The following DYNLT1 variants were observed in gnomAD, a reference collection of about 807,000 sequenced individuals.
DYNLT1 encodes the protein T-complex testis-specific protein 1 homolog.
Under a neutral mutation model 19.6 loss-of-function variants are expected in DYNLT1, and 18 were observed. The observed-to-expected ratio is 0.92, with a 90% confidence interval of 0.64 to 1.36. The LOEUF (loss-of-function observed/expected upper bound fraction) is 1.36. Among genes scored for constraint, DYNLT1 ranks in the 40% most tolerant of loss-of-function variants. The probability of loss-of-function intolerance (pLI) is 0.00; values close to 1 mark genes in which losing one functional copy is unlikely to be tolerated. For missense variants in DYNLT1, 137 were observed against 139.3 expected (o/e 0.98, Z 0.08); for synonymous variants, 56 against 44.0 (o/e 1.27, Z -1.07).
rs556921753 is a variant in DYNLT1, at chr6:158,640,656, C to A, written c.69+663G>T. Among the ~76,000 whole-genome samples the A allele has an allele frequency of 2.6e-3, 392 of 152,294 alleles. 2 individuals are homozygous for A. The highest frequency in any genetic ancestry group is 4.4e-3 in the Non-Finnish European group (299 of 68,020). ...ATTTCAGCTCGAAATGGTCCCTGAA[C>A]TCCCTGGGTGGGTCACATTCCCAGT... On this transcript the variant is annotated intron_variant, in intron 2 of 4. Transcript: ENST00000367089.
At chr6:158,637,970 A>C in intron 2 of DYNLT1, 76 bp from the exon 3 acceptor site, 1 of 1,574,286 alleles carries the variant, frequency 6.4e-7, no homozygotes, top group Non-Finnish European at 8.6e-7. Context: ...AACTGACGGC[A>C]CCCCAAGAAG....
At chr6:158,637,085 A>G (rs776506875) in intron 4 of DYNLT1, 43 bp downstream of exon 4, 5 of 1,611,910 alleles carry the variant, frequency 3.1e-6, no homozygotes, top group Middle Eastern at 1.7e-4. Flanking sequence ...CCAGTCATAT[A>G]TTTCACACAA....
At chr6:158,644,586 G>A in intron 1 of DYNLT1, 96 bp downstream of exon 1, 1 of 1,459,330 alleles carries the variant, frequency 6.9e-7, no homozygotes. Flanking sequence ...CCTAGCTGAA[G>A]GAGGTGGGCA....
chr6:158,644,365 CG>C (rs1380006469), intron 1 of DYNLT1, among the ~76,000 whole-genome samples: 1 of 152,136 alleles, frequency 6.6e-6, no homozygotes, highest in Admixed American at 6.5e-5. Context: ...AGCTTGGCTG[CG>C]GGCCGGAGGC....
chr6:158,643,230 A>G (rs1787188598), intron 1 of DYNLT1, among the ~76,000 whole-genome samples: 2 of 152,232 alleles, frequency 1.3e-5, no homozygotes, highest in Non-Finnish European at 2.9e-5. Context: ...TTACTGTAAT[A>G]CAAGACATTT....
chr6:158,640,011 T>C (rs909205968), intron 2 of DYNLT1, among the ~76,000 whole-genome samples: 40 of 152,168 alleles, frequency 2.6e-4, no homozygotes, highest in Admixed American at 2.6e-3. Flanking sequence ...CACTTGCTAA[T>C]TGAAAGCTGG....
At chr6:158,641,910 T>C (rs1346064427) in intron 1 of DYNLT1, 2 of 152,246 alleles carry the variant, frequency 1.3e-5, no homozygotes, top group Non-Finnish European at 2.9e-5. Context: ...AAGACTTCAC[T>C]TTAAACTAGA....
intron 1 of DYNLT1, chr6:158,642,816 T>C (rs1787165576): frequency 6.6e-6 from 1 of 152,212 alleles, no homozygotes; most frequent in Non-Finnish European, 1.5e-5. Flanking sequence ...AAAGAATTTT[T>C]AGTGGAAAGC....
chr6:158,643,168 T>C (rs1366265502), intron 1 of DYNLT1, among the ~76,000 whole-genome samples: 1 of 152,234 alleles, frequency 6.6e-6, no homozygotes, highest in Non-Finnish European at 1.5e-5. Flanking sequence ...GACTGCAGTA[T>C]TAAGCGCTTT....
intron 1 of DYNLT1, among the ~76,000 whole-genome samples, chr6:158,643,951 C>T (rs1787243373): frequency 6.6e-6 from 1 of 151,874 alleles, no homozygotes; most frequent in South Asian, 2.1e-4. Context: ...GCTCTATTCC[C>T]CGAATGACCG....
At chr6:158,644,349 T>C (rs2128338347) in intron 1 of DYNLT1, among the ~76,000 whole-genome samples, 1 of 152,014 alleles carries the variant, frequency 6.6e-6, no homozygotes, top group African/African-American at 2.4e-5. Context: ...TGTCATCCTC[T>C]CGGCGAGCTT....
At chr6:158,644,550 C>G (rs1273824656) in intron 1 of DYNLT1, 132 bp downstream of exon 1, 2 of 1,089,152 alleles carry the variant, frequency 1.8e-6, no homozygotes, top group Non-Finnish European at 2.6e-6. Context: ...GACCGGGAAG[C>G]TCAGGCCGTG....
rs756804471 is a variant in DYNLT1 at position 158,636,734 on chromosome 6, A to C, written c.*93T>G. Reference sequence around the variant, plus strand: ...TACATTGTGAAAGTGCCACAAAACAAAGAGAATGAGAAAAGAGTTCACTGA... The same window carrying C: ...TACATTGTGAAAGTGCCACAAAACACAGAGAATGAGAAAAGAGTTCACTGA... On this transcript the variant is annotated 3_prime_UTR_variant, in exon 5 of 5. Coordinates refer to ENST00000367089, the MANE Select transcript of DYNLT1 (RefSeq NM_006519.4). 2.4e-5 allele frequency: 34 copies of C among 1,407,558 alleles called. No homozygotes were observed. Among genetic ancestry groups the C allele is most frequent in the South Asian group, 1.3e-5 (1 of 78,576 alleles). 87.2% of individuals were successfully genotyped at this position (1,407,558 alleles called of 1,614,324 possible). A position where few individuals can be genotyped will look rare whatever the true frequency, so the allele number is the denominator to read the frequency against.
At chr6:158,643,366 G>A (rs1160255013) in intron 1 of DYNLT1, among the ~76,000 whole-genome samples, 1 of 152,196 alleles carries the variant, frequency 6.6e-6, no homozygotes, top group East Asian at 1.9e-4. Context: ...TTATGCCACT[G>A]TCACAGGAAG....
Position 158,637,221 on chromosome 6 carries a change from A to G in DYNLT1, c.194-16T>C. ...ACACAGGTCACTTAAGTTAAAACAA[A>G]TTTTTGTTAGAGAAGTCTACTGGGT... On this transcript the variant is annotated splice_polypyrimidine_tract_variant and intron_variant, in intron 3 of 4. Coordinates refer to ENST00000367089, the MANE Select transcript of DYNLT1 (RefSeq NM_006519.4). The G allele has an allele frequency of 1.2e-6, 2 of 1,612,482 alleles. No individual in the cohort carries two copies. Among genetic ancestry groups the G allele is most frequent in the Non-Finnish European group, 1.7e-6 (2 of 1,179,126 alleles).
chr6:158,636,727 C>T lies in DYNLT1; in HGVS notation c.*100G>A. ...TTTCCTCTACATTGTGAAAGTGCCA[C>T]AAAACAAAGAGAATGAGAAAAGAGT... On this transcript the variant is annotated 3_prime_UTR_variant, in exon 5 of 5. Transcript: ENST00000367089. The T allele has an allele frequency of 7.2e-7, 1 of 1,384,488 alleles. No homozygotes were observed. The highest frequency in any genetic ancestry group is 2.5e-5 in the East Asian group (1 of 39,610). 85.8% of individuals were successfully genotyped at this position (1,384,488 alleles called of 1,614,324 possible).
intron 3 of DYNLT1, 81 bp from the exon 4 acceptor site, chr6:158,637,286 ATG>A (rs1583072388): frequency 7.8e-7 from 1 of 1,278,490 alleles, no homozygotes; most frequent in East Asian, 2.3e-5. Flanking sequence ...CAAACGTACA[ATG>A]TATGTAGCTC....
At chr6:158,644,628 T>C in intron 1 of DYNLT1, 54 bp downstream of exon 1, 2 of 1,606,962 alleles carry the variant, frequency 1.2e-6, no homozygotes, top group Non-Finnish European at 1.7e-6. Context: ...CCGCGTGTCC[T>C]TCCGCGGCCA....
At chr6:158,637,231 G>C in intron 3 of DYNLT1, 26 bp from the exon 4 acceptor site, 1 of 1,608,172 alleles carries the variant, frequency 6.2e-7, no homozygotes, top group Non-Finnish European at 8.5e-7. Context: ...ATTTTTGTTA[G>C]AGAAGTCTAC....
Sources: allele counts gnomAD v4.1 joint callset (sites outside exome capture counted in the v4.1 genomes callset), GRCh38; gene constraint gnomAD v4.1.1; transcripts MANE v1.5; gene names NCBI Gene and HGNC (gene_info 2026-07-23, HGNC 2026-07-21).